PTPRG: variants seen among roughly 807,000 people sequenced by gnomAD.
PTPRG encodes the protein receptor-type tyrosine-protein phosphatase gamma.
A neutral mutation model predicts 165.3 loss-of-function variants in PTPRG; 102 were observed. The observed-to-expected ratio is 0.62, with a 90% CI of 0.53 to 0.73. The LOEUF (loss-of-function observed/expected upper bound fraction) is 0.73, where lower values mean the gene tolerates loss of function less well. PTPRG is among the 30% of genes least tolerant of loss of function. The pLI is 0.00. For missense variants in PTPRG, 1,866 were observed against 1,861.4 expected (o/e 1.00, Z -0.05); for synonymous variants, 675 against 669.5 (o/e 1.01, Z -0.13).
chr3:62,021,858 T>C (rs925243506), intron 4 of PTPRG, among the ~76,000 whole-genome samples: 1 of 63,372 alleles, frequency 1.6e-5, no homozygotes, highest in Admixed American at 1.6e-4. Flanking sequence ...TTTCCTTTTC[T>C]TTTTTTTTTT....
intron 4 of PTPRG, among the ~76,000 whole-genome samples, chr3:62,058,441 G>A (rs903358943): frequency 8.5e-5 from 13 of 152,124 alleles, no homozygotes; most frequent in Non-Finnish European, 1.6e-4. Context: ...AAAGTGTTGG[G>A]ATTACATGAG....
intron 15 of PTPRG, among the ~76,000 whole-genome samples, chr3:62,248,379 A>G (rs1187984225): frequency 6.6e-6 from 1 of 152,154 alleles, no homozygotes; most frequent in Admixed American, 6.5e-5. Flanking sequence ...TTCCCTGGTT[A>G]CTGGTTTCCC....
chr3:62,263,003 T>G (rs1049575902), intron 17 of PTPRG, 109 bp downstream of exon 17: 1 of 771,768 alleles, frequency 1.3e-6, no homozygotes, highest in African/African-American at 1.8e-5. Flanking sequence ...AAAGAATGAT[T>G]CTTGCAAGCT....
intron 2 of PTPRG, among the ~76,000 whole-genome samples, chr3:61,984,466 C>G (rs1382075564): frequency 1.3e-5 from 2 of 152,106 alleles, no homozygotes; most frequent in South Asian, 2.1e-4. Flanking sequence ...AATCAGTGCC[C>G]ATCTCCCTCA....
chr3:61,707,820 C>T (rs1489010069), intron 1 of PTPRG, among the ~76,000 whole-genome samples: 1 of 151,870 alleles, frequency 6.6e-6, no homozygotes, highest in Non-Finnish European at 1.5e-5. Context: ...ACAGGGTCTC[C>T]CTTTGTTGCC....
At chr3:62,016,401 C>A (rs980880396) in intron 4 of PTPRG, among the ~76,000 whole-genome samples, 1 of 152,004 alleles carries the variant, frequency 6.6e-6, no homozygotes, top group African/African-American at 2.4e-5. Flanking sequence ...CTCCTGACCT[C>A]GTGATTCGCC....
At chr3:62,216,548 C>A (rs1037872787) in intron 12 of PTPRG, among the ~76,000 whole-genome samples, 3 of 151,224 alleles carry the variant, frequency 2.0e-5, no homozygotes, top group African/African-American at 7.3e-5. Flanking sequence ...TCCCCCCCCT[C>A]CCCCACCAGC....
At chr3:61,676,556 A>G (rs753801226) in intron 1 of PTPRG, among the ~76,000 whole-genome samples, 34 of 150,370 alleles carry the variant, frequency 2.3e-4, no homozygotes, top group Non-Finnish European at 5.9e-5. Context: ...TTTCACACAC[A>G]CACAAACACA....
intron 4 of PTPRG, among the ~76,000 whole-genome samples, chr3:62,043,384 TC>T (rs1427590118): frequency 1.3e-5 from 2 of 152,218 alleles, no homozygotes; most frequent in African/African-American, 4.8e-5. Context: ...TCTGCCTATT[TC>T]AGAATGATTT....
chr3:61,562,521 G>T, intron 1 of PTPRG, 149 bp downstream of exon 1: 1 of 690,844 alleles, frequency 1.4e-6, no homozygotes, highest in South Asian at 1.7e-5. Context: ...GAAAAGGATT[G>T]CTCCGCTGGC....
Position 61,800,518 on chromosome 3 carries a change from C to T in PTPRG, c.190+51536C>T, listed in dbSNP as rs551958804. On this transcript the variant is annotated intron_variant, in intron 2 of 29. Coordinates refer to ENST00000474889, the MANE Select transcript of PTPRG (RefSeq NM_002841.4). ...AAGTTACCTCCATGCCAGAGACTTCCGTATGAGGTTGGCACAATCCCTAGT... is the reference window on the plus strand; with the variant it reads ...AAGTTACCTCCATGCCAGAGACTTCTGTATGAGGTTGGCACAATCCCTAGT... Among the ~76,000 whole-genome samples, 308 of 151,718 alleles carry T rather than the reference C, an allele frequency of 2.0e-3. 4 individuals carry two copies. The highest frequency in any genetic ancestry group is 6.8e-3 in the Middle Eastern group (2 of 294).
intron 2 of PTPRG, among the ~76,000 whole-genome samples, chr3:61,938,672 A>G (rs760185437): frequency 6.6e-5 from 10 of 152,196 alleles, no homozygotes; most frequent in Non-Finnish European, 1.2e-4. Flanking sequence ...GTCAGTTGAA[A>G]TATTTGCTGT....
chr3:61,686,410 C>T (rs893611680), intron 1 of PTPRG, among the ~76,000 whole-genome samples: 2 of 152,184 alleles, frequency 1.3e-5, no homozygotes, highest in African/African-American at 4.8e-5. Context: ...GTTGGTGAGA[C>T]TGGGGGAAAT....
At position 61,562,377 on chromosome 3, in the gene PTPRG, G is replaced by A; in HGVS notation, c.85+5G>A. On this transcript the variant is annotated splice_donor_5th_base_variant and intron_variant, in intron 1 of 29. Coordinates refer to ENST00000474889, the MANE Select transcript of PTPRG (RefSeq NM_002841.4). ...ATTATGTCGTGTGCTTCCCCGGTGAGTGCCGGCCGCCGAGGGGATGCGGCC... is the reference window on the plus strand; with the variant it reads ...ATTATGTCGTGTGCTTCCCCGGTGAATGCCGGCCGCCGAGGGGATGCGGCC... 6.2e-7 allele frequency: 1 copy of A among 1,613,166 alleles called. No individual in the cohort carries two copies. The highest frequency in any genetic ancestry group is 8.5e-7 in the Non-Finnish European group (1 of 1,179,446).
chr3:62,099,943 C>T (rs1428493452), intron 5 of PTPRG, among the ~76,000 whole-genome samples: 3 of 151,710 alleles, frequency 2.0e-5, no homozygotes, highest in Admixed American at 6.6e-5. Context: ...GGACTACAGG[C>T]GTGCACCACC....
At chr3:61,785,073 A>G (rs1377600698) in intron 2 of PTPRG, among the ~76,000 whole-genome samples, 1 of 152,224 alleles carries the variant, frequency 6.6e-6, no homozygotes, top group African/African-American at 2.4e-5. Context: ...AAAGAGGCTA[A>G]TTACATGCAG....
At chr3:61,589,627 G>C (rs1700518859) in intron 1 of PTPRG, among the ~76,000 whole-genome samples, 1 of 152,132 alleles carries the variant, frequency 6.6e-6, no homozygotes, top group Non-Finnish European at 1.5e-5. Flanking sequence ...TTGATGGGGT[G>C]GGGTGGGGGT....
intron 2 of PTPRG, among the ~76,000 whole-genome samples, chr3:61,751,846 A>T (rs188000723): frequency 9.9e-5 from 15 of 152,158 alleles, no homozygotes; most frequent in African/African-American, 3.6e-4. Context: ...AAAAAAAATT[A>T]GCCAGGCGTA....
intron 7 of PTPRG, among the ~76,000 whole-genome samples, chr3:62,161,128 C>T (rs915567071): frequency 6.6e-6 from 1 of 151,940 alleles, no homozygotes; most frequent in Non-Finnish European, 1.5e-5. Context: ...CATGGAGTCA[C>T]AATAAAGATT....
Sources: allele counts gnomAD v4.1 joint callset (sites outside exome capture counted in the v4.1 genomes callset), GRCh38; gene constraint gnomAD v4.1.1; transcripts MANE v1.5; gene names NCBI Gene and HGNC (gene_info 2026-07-23, HGNC 2026-07-21).